Variants in AUTS2 observed in about 807,000 individuals in gnomAD.
The protein encoded by AUTS2 is activator of transcription and developmental regulator AUTS2.
A neutral mutation model predicts 112.4 loss-of-function variants in AUTS2; 17 were observed. The observed-to-expected ratio is 0.15, with a 90% confidence interval of 0.10 to 0.23. AUTS2 has a LOEUF of 0.23. Among genes scored for constraint, AUTS2 ranks in the 10% least tolerant of loss-of-function variants. The pLI, the probability that AUTS2 is intolerant of heterozygous loss-of-function variation, is 1.00. For missense variants in AUTS2, 1,510 were observed against 1,701.6 expected (o/e 0.89, Z 1.98); for synonymous variants, 751 against 702.7 (o/e 1.07, Z -1.09).
rs1463112031 is a variant in AUTS2 at position 70,325,737 on chromosome 7, C to T, written c.661-110015C>T. 2.6e-5 allele frequency among the ~76,000 whole-genome samples: 4 copies of T among 152,172 alleles called. No individual in the cohort carries two copies. In the South Asian group the frequency reaches 8.3e-4, roughly 32 times the overall value. On this transcript the variant is annotated intron_variant, in intron 4 of 18. Coordinates refer to ENST00000342771, the MANE Select transcript of AUTS2 (RefSeq NM_015570.4). ...TTTCTGCAAGGGAATTGCTATCTGA[C>T]CTTGCATATTGCATGTGGACAAGTT... is the stretch of plus-strand genomic sequence containing the variant.
intron 6 of AUTS2, among the ~76,000 whole-genome samples, chr7:70,713,861 A>G (rs1201810350): frequency 1.3e-5 from 2 of 150,280 alleles, no homozygotes; most frequent in African/African-American, 2.5e-5. Flanking sequence ...GCGCCATTGC[A>G]CTCCAGCCTG....
At chr7:70,767,818 G>A (rs1790034472) in intron 9 of AUTS2, among the ~76,000 whole-genome samples, 1 of 152,180 alleles carries the variant, frequency 6.6e-6, no homozygotes, top group Non-Finnish European at 1.5e-5. Context: ...GAACTAAAAC[G>A]TACCACTTGG....
chr7:69,647,357 CTTTTTTT>C (rs200874078), intron 1 of AUTS2, among the ~76,000 whole-genome samples: 2 of 142,718 alleles, frequency 1.4e-5, no homozygotes, highest in African/African-American at 5.1e-5. Context: ...CTTTCACTAT[CTTTTTTT>C]TTTTTTTTAA....
intron 4 of AUTS2, among the ~76,000 whole-genome samples, chr7:70,298,871 A>G (rs1397265084): frequency 6.6e-6 from 1 of 152,214 alleles, no homozygotes; most frequent in Non-Finnish European, 1.5e-5. Flanking sequence ...TCAATTAACC[A>G]AAAGCCAGAC....
intron 1 of AUTS2, among the ~76,000 whole-genome samples, chr7:69,700,252 A>G (rs1283934024): frequency 1.3e-5 from 2 of 151,998 alleles, no homozygotes; most frequent in Non-Finnish European, 1.5e-5. Flanking sequence ...CCAAGATCTG[A>G]TAGTATTTCC....
At chr7:70,467,314 T>C (rs1309381439) in intron 5 of AUTS2, among the ~76,000 whole-genome samples, 1 of 152,230 alleles carries the variant, frequency 6.6e-6, no homozygotes, top group Non-Finnish European at 1.5e-5. Flanking sequence ...GTATTCATTT[T>C]CTTAAAAAGC....
chr7:70,750,549 C>T (rs554283245), intron 6 of AUTS2, among the ~76,000 whole-genome samples: 9 of 152,024 alleles, frequency 5.9e-5, no homozygotes, highest in East Asian at 1.9e-4. Flanking sequence ...TACAGGCACA[C>T]GCCACCATGC....
intron 5 of AUTS2, among the ~76,000 whole-genome samples, chr7:70,592,905 G>A (rs559574651): frequency 2.0e-5 from 3 of 152,012 alleles, no homozygotes; most frequent in Non-Finnish European, 4.4e-5. Flanking sequence ...GCTGCAGTGC[G>A]GTGCCACCAT....
intron 1 of AUTS2, among the ~76,000 whole-genome samples, chr7:69,644,106 G>A (rs1562781707): frequency 6.6e-6 from 1 of 152,130 alleles, no homozygotes; most frequent in South Asian, 2.1e-4. Context: ...AATCAGGTTC[G>A]CCTGTTTAAG....
chr7:70,739,185 C>G (rs1227134748), intron 6 of AUTS2, among the ~76,000 whole-genome samples: 1 of 151,326 alleles, frequency 6.6e-6, no homozygotes, highest in Admixed American at 6.6e-5. Flanking sequence ...CACCACTATG[C>G]CTGGCTAATG....
At position 70,364,203 on chromosome 7, in the gene AUTS2, G is replaced by T. The variant is rs147615868; in HGVS notation, c.661-71549G>T. ...AAAAGCATTCTAGTTGTCTAGATTG[G>T]AAAAAAATGCATTTAGTCTTTCAAC... is the stretch of plus-strand genomic sequence containing the variant. On this transcript the variant is annotated intron_variant, in intron 4 of 18. Coordinates refer to ENST00000342771, the MANE Select transcript of AUTS2 (RefSeq NM_015570.4). 3.5e-3 allele frequency among the ~76,000 whole-genome samples: 533 copies of T among 151,838 alleles called. 3 individuals are homozygous for T. The highest frequency in any genetic ancestry group is 0.012 in the African/African-American group (485 of 41,432).
Position 70,025,607 on chromosome 7 carries a change from A to G in AUTS2, c.523-92525A>G, listed in dbSNP as rs577463346. ...GCTGGGATTACAGGCATGCACTACC[A>G]TGCCTGGCTAAGTTTGTTTTGTATT... On this transcript the variant is annotated intron_variant, in intron 2 of 18. Transcript: ENST00000342771. Among the ~76,000 whole-genome samples the G allele has an allele frequency of 3.3e-5, 5 of 151,526 alleles. 1 individual carries two copies. The South Asian group carries it at 1.0e-3, about 32-fold the overall frequency.
At chr7:70,183,221 AACTAACTGC>A (rs1453325535) in intron 4 of AUTS2, among the ~76,000 whole-genome samples, 2 of 152,174 alleles carry the variant, frequency 1.3e-5, no homozygotes, top group African/African-American at 4.8e-5. Flanking sequence ...TCCTCAAGTC[AACTAACTGC>A]CTGTTTCTCA....
chr7:70,754,664 T>G (rs1789077945), intron 6 of AUTS2, among the ~76,000 whole-genome samples: 1 of 152,228 alleles, frequency 6.6e-6, no homozygotes, highest in Non-Finnish European at 1.5e-5. Context: ...TGATCTGTAG[T>G]CTTTCTGTGT....
intron 4 of AUTS2, among the ~76,000 whole-genome samples, chr7:70,268,199 G>A (rs9647931): frequency 0.22 from 33,895 of 151,880 alleles, 3,797 homozygotes; most frequent in Middle Eastern, 0.33. Flanking sequence ...TTTCCTTAAG[G>A]GTTTAATCCT....
chr7:70,195,896 T>C (rs1810146726), intron 4 of AUTS2, among the ~76,000 whole-genome samples: 1 of 152,168 alleles, frequency 6.6e-6, no homozygotes, highest in African/African-American at 2.4e-5. Context: ...AATGTGTAGA[T>C]TCCTGCTCTT....
intron 1 of AUTS2, among the ~76,000 whole-genome samples, chr7:69,883,179 T>G (rs1584389026): frequency 6.6e-6 from 1 of 152,198 alleles, no homozygotes; most frequent in South Asian, 2.1e-4. Flanking sequence ...TCTATTTTCC[T>G]GGAATGAAGC....
At chr7:69,913,425 T>C (rs1795441328) in intron 2 of AUTS2, among the ~76,000 whole-genome samples, 1 of 152,178 alleles carries the variant, frequency 6.6e-6, no homozygotes, top group Non-Finnish European at 1.5e-5. Flanking sequence ...CACTCTGTAA[T>C]TCACTTTTGG....
intron 1 of AUTS2, among the ~76,000 whole-genome samples, chr7:69,877,104 T>C (rs1297399924): frequency 1.3e-5 from 2 of 152,210 alleles, no homozygotes; most frequent in African/African-American, 4.8e-5. Flanking sequence ...GATTTACTTA[T>C]TTGCCAAATA....
Sources: allele counts gnomAD v4.1 joint callset (sites outside exome capture counted in the v4.1 genomes callset), GRCh38; gene constraint gnomAD v4.1.1; transcripts MANE v1.5; gene names NCBI Gene and HGNC (gene_info 2026-07-23, HGNC 2026-07-21).